Variants in PSG1 observed in about 807,000 individuals in gnomAD.
The protein encoded by PSG1 is pregnancy-specific beta-1-glycoprotein 1.
In PSG1, 60 loss-of-function variants were observed where a neutral mutation model predicts 41.4. The ratio of observed to expected loss-of-function variants is 1.45; its 90% CI spans 1.18 to 1.80. The LOEUF is 1.80. Ranked by LOEUF, PSG1 falls within the 40% of genes most tolerant of loss-of-function variation. The pLI, the probability that PSG1 is intolerant of heterozygous loss-of-function variation, is 0.00. For synonymous variants in PSG1, 256 were observed against 192.9 expected, an observed-to-expected ratio of 1.33 and a Z score of -2.71; for missense variants, 806 against 516.9, an observed-to-expected ratio of 1.56 and a Z score of -5.42.
Position 42,877,911 on chromosome 19 carries a change from A to T in PSG1, c.430+2T>A. 1 of 1,612,088 alleles carries T rather than the reference A, an allele frequency of 6.2e-7. No homozygotes were observed. Among genetic ancestry groups the T allele is most frequent in the Non-Finnish European group, 8.5e-7 (1 of 1,178,928 alleles). On this transcript the variant is annotated splice_donor_variant, in intron 2 of 5. Coordinates refer to ENST00000436291, the MANE Select transcript of PSG1 (RefSeq NM_001184825.2). LOFTEE classifies it high-confidence loss of function. ...ACCCAGGGATCATGTGGAATCACTT[A>T]CGGTGTAAGGTGAAGGTGAAACGTC...
intron 2 of PSG1, 27 bp downstream of exon 2, chr19:42,877,886 A>T: frequency 6.2e-7 from 1 of 1,611,786 alleles, no homozygotes; most frequent in Non-Finnish European, 8.5e-7. Context: ...GTCCCCCAAC[A>T]CCCAGGGATC....
chr19:42,873,274 G>A (rs1394318826), intron 2 of PSG1, among the ~76,000 whole-genome samples: 3 of 151,680 alleles, frequency 2.0e-5, no homozygotes, highest in Non-Finnish European at 4.4e-5. Flanking sequence ...TGCAGTACAT[G>A]TACTGGTTTA....
Position 42,868,556 on chromosome 19 carries a change from A to T in PSG1, c.988+200T>A, listed in dbSNP as rs552884711. Among the ~76,000 whole-genome samples, 102 of 151,378 alleles carry T rather than the reference A, an allele frequency of 6.7e-4. 1 individual carries two copies. The highest frequency in any genetic ancestry group is 2.4e-3 in the African/African-American group (99 of 41,270). On this transcript the variant is annotated intron_variant, in intron 4 of 5. Coordinates refer to ENST00000436291, the MANE Select transcript of PSG1 (RefSeq NM_001184825.2). ...AGCTGTGGGCCCCAAGTCTCCCATG[A>T]TAAGAGCATCCCCTCCCCTTATATT...
chr19:42,868,557 T>C (rs10409273), intron 4 of PSG1, among the ~76,000 whole-genome samples, 199 bp downstream of exon 4: 28,842 of 150,212 alleles, frequency 0.19, 3,876 homozygotes, highest in East Asian at 0.42. Context: ...TCTCCCATGA[T>C]AAGAGCATCC....
chr19:42,867,580 G>T (rs1600485780), intron 5 of PSG1: 2 of 655,990 alleles, frequency 3.0e-6, no homozygotes, highest in East Asian at 2.8e-5. Flanking sequence ...AATGTGTCAT[G>T]TTACAAAGAA....
Position 42,868,959 on chromosome 19 carries a change from C to G in PSG1, c.785G>C (p.Cys262Ser). Residue 262 changes from cysteine to serine, a missense_variant, in exon 4 of 6, where the codon TGT becomes TCT. Physicochemically the swap from Cys to Ser is moderately radical, Grantham distance 112. Coordinates refer to ENST00000436291, the MANE Select transcript of PSG1 (RefSeq NM_001184825.2). ...GGTGTAGTTCTCACTCTTAGGTTCACAGGTGAAGTTTAAGACATCCTTATT... is the reference window on the plus strand; with the variant it reads ...GGTGTAGTTCTCACTCTTAGGTTCAGAGGTGAAGTTTAAGACATCCTTATT... ...RENKDVLNFTCEPKSENYTYI... is the reference protein window; with the variant it reads ...RENKDVLNFTSEPKSENYTYI... 1 of 1,610,512 alleles carries G rather than the reference C, an allele frequency of 6.2e-7. No homozygotes were observed. Among genetic ancestry groups the G allele is most frequent in the Non-Finnish European group, 8.5e-7 (1 of 1,179,024 alleles).
chr19:42,873,179 C>G (rs560288929), intron 2 of PSG1, among the ~76,000 whole-genome samples: 5 of 151,804 alleles, frequency 3.3e-5, no homozygotes, highest in South Asian at 4.2e-4. Flanking sequence ...CATGCCTATA[C>G]TTCATACAGA....
intron 1 of PSG1, among the ~76,000 whole-genome samples, chr19:42,879,226 A>G (rs977741912): frequency 6.9e-6 from 1 of 145,834 alleles, no homozygotes. Flanking sequence ...TATCTCAGCT[A>G]TCTGCAACTT....
intron 2 of PSG1, among the ~76,000 whole-genome samples, chr19:42,873,536 T>A (rs1971481844): frequency 2.0e-5 from 3 of 151,742 alleles, no homozygotes; most frequent in African/African-American, 7.3e-5. Flanking sequence ...AAGTGGAAAT[T>A]TTTACTGATG....
Position 42,866,947 on chromosome 19 carries a change from G to C in PSG1, c.*187C>G, listed in dbSNP as rs1331109452. On this transcript the variant is annotated 3_prime_UTR_variant, in exon 6 of 6. Coordinates refer to ENST00000436291, the MANE Select transcript of PSG1 (RefSeq NM_001184825.2). Reference sequence around the variant, plus strand: ...CACTTGTTGTCCTGGTTTACAGTTTGAGCATCTGTTGTTATGGTGTCGAAT... The same window carrying C: ...CACTTGTTGTCCTGGTTTACAGTTTCAGCATCTGTTGTTATGGTGTCGAAT... The C allele has an allele frequency of 1.4e-6, 1 of 740,224 alleles. No individual in the cohort carries two copies. Among genetic ancestry groups the C allele is most frequent in the African/African-American group, 1.7e-5 (1 of 58,304 alleles). The allele number at this position is 740,224 out of a possible 1,614,324, so 45.9% of individuals were successfully genotyped here.
Position 42,877,912 on chromosome 19 carries a change from C to G in PSG1, c.430+1G>C. 6.2e-7 allele frequency: 1 copy of G among 1,611,974 alleles called. No individual in the cohort carries two copies. The highest frequency in any genetic ancestry group is 8.5e-7 in the Non-Finnish European group (1 of 1,178,870). ...CCCAGGGATCATGTGGAATCACTTA[C>G]GGTGTAAGGTGAAGGTGAAACGTCC... On this transcript the variant is annotated splice_donor_variant, in intron 2 of 5. Transcript: ENST00000436291. LOFTEE classifies it high-confidence loss of function.
At chr19:42,867,403 A>C in intron 5 of PSG1, 1 of 572,966 alleles carries the variant, frequency 1.7e-6, no homozygotes, top group Non-Finnish European at 3.1e-6. Flanking sequence ...TCTTTTCTCT[A>C]AGTTTTTATA....
chr19:42,877,018 G>A (rs1971636560), intron 2 of PSG1, among the ~76,000 whole-genome samples: 1 of 151,560 alleles, frequency 6.6e-6, no homozygotes, highest in Non-Finnish European at 1.5e-5. Flanking sequence ...AATCAAATAA[G>A]CTAAATGGCA....
chr19:42,876,968 T>G (rs1434497456), intron 2 of PSG1: 3 of 151,720 alleles, frequency 2.0e-5, no homozygotes, highest in East Asian at 1.9e-4. Flanking sequence ...GTGTGACTCT[T>G]GCTCAGTCAC....
intron 3 of PSG1, 199 bp from the exon 4 acceptor site, chr19:42,869,233 G>A (rs1971277610): frequency 2.4e-6 from 3 of 1,238,006 alleles, no homozygotes; most frequent in East Asian, 2.5e-5. Flanking sequence ...CTGTCTTAGG[G>A]AAGCACAGAC....
In PSG1 at chr19:42,878,312, G is replaced by T. The variant is rs375125724; in HGVS notation, c.65-34C>A. Reference sequence around the variant, plus strand: ...TGGAGAGAACATCAGTCAATATTGAGACCTATGTATTGGTGTGAAAACATG... The same window carrying T: ...TGGAGAGAACATCAGTCAATATTGATACCTATGTATTGGTGTGAAAACATG... On this transcript the variant is annotated intron_variant, in intron 1 of 5. Transcript: ENST00000436291. 46 of 1,580,944 alleles carry T rather than the reference G, an allele frequency of 2.9e-5. 3 individuals carry two copies. Among genetic ancestry groups the T allele is most frequent in the Non-Finnish European group, 3.6e-5 (42 of 1,164,596 alleles).
intron 4 of PSG1, 95 bp downstream of exon 4, chr19:42,868,661 C>G (rs1177131772): frequency 5.1e-6 from 8 of 1,576,968 alleles, no homozygotes; most frequent in Non-Finnish European, 6.9e-6. Flanking sequence ...GTAAAGGTGT[C>G]TATACTTGGA....
rs371021475 is a variant in PSG1, at chr19:42,867,805, T to C, written c.1243+296A>G. 9.4e-5 allele frequency: 113 copies of C among 1,203,258 alleles called. 3 individuals carry two copies. The African/African-American group carries it at 1.3e-3, about 14-fold the overall frequency. 74.5% of individuals were successfully genotyped at this position (1,203,258 alleles called of 1,614,324 possible). A position where few individuals can be genotyped will look rare whatever the true frequency, so the allele number is the denominator to read the frequency against. ...TGTAGAAAACAAACCATTTAAAGAA[T>C]CAGCAAATTTTCAAATAAAAATCAT... On this transcript the variant is annotated intron_variant, in intron 5 of 5. Transcript: ENST00000436291.
In PSG1 at chr19:42,866,983, G is replaced by C; in HGVS notation, c.*151C>G. On this transcript the variant is annotated 3_prime_UTR_variant, in exon 6 of 6. Transcript: ENST00000436291. ...GTTATGGTGTCGAATATTTTGGTGA[G>C]TTCTGAGTGGCTCATGCTTCACGTA... 1 of 762,454 alleles carries C rather than the reference G, an allele frequency of 1.3e-6. No individual in the cohort carries two copies. Among genetic ancestry groups the C allele is most frequent in the South Asian group, 1.4e-5 (1 of 74,026 alleles). 47.2% of individuals were successfully genotyped at this position (762,454 alleles called of 1,614,324 possible). A position where few individuals can be genotyped will look rare whatever the true frequency, so the allele number is the denominator to read the frequency against.
Sources: gnomAD v4.1 joint callset for allele counts (sites outside exome capture counted in the v4.1 genomes callset) on GRCh38, gnomAD v4.1.1 for gene constraint, MANE v1.5 for transcripts, NCBI Gene and HGNC (gene_info 2026-07-23, HGNC 2026-07-21) for gene names.